Variants in PTPRN2 observed in about 807,000 individuals in gnomAD.
PTPRN2 encodes protein tyrosine phosphatase receptor type N2, also known as receptor-type tyrosine-protein phosphatase N2.
PTPRN2 carries 74 observed loss-of-function variants against 118.8 expected under a neutral mutation model. The ratio of observed to expected loss-of-function variants is 0.62; its 90% CI spans 0.52 to 0.76. PTPRN2 has a LOEUF of 0.76. Ranked by LOEUF, PTPRN2 falls within the 30% of genes least tolerant of loss-of-function variation. PTPRN2 has a pLI of 0.00. For missense variants in PTPRN2, 1,481 were observed against 1,394.4 expected (o/e 1.06, Z -0.99); for synonymous variants, 641 against 608.0 (o/e 1.05, Z -0.80).
chr7:158,418,854 A>G (rs1161918465), intron 2 of PTPRN2, among the ~76,000 whole-genome samples: 3 of 151,492 alleles, frequency 2.0e-5, no homozygotes, highest in Admixed American at 6.6e-5. Context: ...GTACTACATC[A>G]AGATGCTGTA....
At chr7:158,245,484 G>T (rs1169313880) in intron 3 of PTPRN2, among the ~76,000 whole-genome samples, 2 of 152,136 alleles carry the variant, frequency 1.3e-5, no homozygotes, top group Non-Finnish European at 2.9e-5. Flanking sequence ...ACTTCTCATA[G>T]AGCGCATGGG....
rs113893850 is a variant in PTPRN2 at position 158,122,844 on chromosome 7, A to G, written c.1556+10833T>C. Among the ~76,000 whole-genome samples, 941 of 152,330 alleles carry G rather than the reference A, an allele frequency of 6.2e-3. 13 individuals are homozygous for G. Among genetic ancestry groups the G allele is most frequent in the African/African-American group, 0.022 (898 of 41,568 alleles). On this transcript the variant is annotated intron_variant, in intron 9 of 22. Transcript: ENST00000389418. ...TGAGCCCGGGGACCTGTTGCGACCT[A>G]CACTTGTTCTTAACAAAACCGAAGG...
At chr7:158,190,803 CTGTT>C (rs1825700453) in intron 5 of PTPRN2, among the ~76,000 whole-genome samples, 1 of 152,266 alleles carries the variant, frequency 6.6e-6, no homozygotes, top group Non-Finnish European at 1.5e-5. Flanking sequence ...CATCAGGGCT[CTGTT>C]TGGCGGCCGT....
At chr7:158,102,677 G>A (rs1037648072) in intron 10 of PTPRN2, among the ~76,000 whole-genome samples, 4 of 152,268 alleles carry the variant, frequency 2.6e-5, no homozygotes, top group Middle Eastern at 3.4e-3. Context: ...GCAGCTTTGC[G>A]GGTGTTGGAG....
Position 157,974,169 on chromosome 7 carries a change from C to T in PTPRN2, c.1724-75432G>A, listed in dbSNP as rs754085053. ...ATGAGCGCCGGCCCTGCGGATCCGG[C>T]GATGATCATTGTGGAAAGAATGGAC... On this transcript the variant is annotated intron_variant, in intron 11 of 22. Coordinates refer to ENST00000389418, the MANE Select transcript of PTPRN2 (RefSeq NM_002847.5). This position sits in a 1 kb window ranked among gnomAD's most constrained non-coding sequence, Gnocchi z 4.0. Among the ~76,000 whole-genome samples the T allele has an allele frequency of 1.3e-5, 2 of 152,108 alleles. No homozygotes were observed. Among genetic ancestry groups the T allele is most frequent in the Admixed American group, 6.5e-5 (1 of 15,290 alleles).
intron 2 of PTPRN2, among the ~76,000 whole-genome samples, chr7:158,404,732 CCCAGCTCTCCGGCTT>C (rs1813231515): frequency 7.0e-6 from 1 of 143,510 alleles, no homozygotes; most frequent in African/African-American, 2.6e-5. Flanking sequence ...CTCTCCGGCC[CCCAGCTCTCCGGCTT>C]CCAGCTCCCC....
At chr7:157,910,789 T>G (rs1464859349) in intron 11 of PTPRN2, among the ~76,000 whole-genome samples, 2 of 152,230 alleles carry the variant, frequency 1.3e-5, no homozygotes, top group African/African-American at 4.8e-5. Flanking sequence ...CGTGTTGTGA[T>G]CCACTGCGCG....
chr7:157,639,191 C>T (rs1257309294), intron 14 of PTPRN2, among the ~76,000 whole-genome samples: 2 of 152,048 alleles, frequency 1.3e-5, no homozygotes, highest in Non-Finnish European at 2.9e-5. Flanking sequence ...CATGCGCCAC[C>T]AAATCTAGCT....
chr7:158,052,111 G>A lies in PTPRN2; in HGVS notation c.1723+29187C>T, dbSNP rs561031812. Among the ~76,000 whole-genome samples, 83 of 152,312 alleles carry A rather than the reference G, an allele frequency of 5.4e-4. 1 individual carries two copies. Among genetic ancestry groups the A allele is most frequent in the African/African-American group, 1.9e-3 (79 of 41,558 alleles). On this transcript the variant is annotated intron_variant, in intron 11 of 22. Coordinates refer to ENST00000389418, the MANE Select transcript of PTPRN2 (RefSeq NM_002847.5). ...GCCTCTGATCCAGAAAAGTCCCTGT[G>A]CACTAAAGTCAAGACTGTTTCAAAG...
At chr7:157,608,104 G>A (rs765413890) in intron 15 of PTPRN2, among the ~76,000 whole-genome samples, 3 of 152,068 alleles carry the variant, frequency 2.0e-5, no homozygotes, top group African/African-American at 4.8e-5. Flanking sequence ...GTCTTGCTCC[G>A]TCACCCAAGC....
At chr7:158,454,935 C>T (rs1195055537) in intron 2 of PTPRN2, among the ~76,000 whole-genome samples, 1 of 152,170 alleles carries the variant, frequency 6.6e-6, no homozygotes, top group Non-Finnish European at 1.5e-5. Flanking sequence ...GGGGGCCCCT[C>T]GAAATGTGTT....
Position 158,529,016 on chromosome 7 carries a change from G to A in PTPRN2, c.113-39231C>T, listed in dbSNP as rs542091339. Among the ~76,000 whole-genome samples, 3 of 152,110 alleles carry A rather than the reference G, an allele frequency of 2.0e-5. No individual in the cohort carries two copies. The highest frequency in any genetic ancestry group is 6.5e-5 in the Admixed American group (1 of 15,294). On this transcript the variant is annotated intron_variant, in intron 1 of 22. Coordinates refer to ENST00000389418, the MANE Select transcript of PTPRN2 (RefSeq NM_002847.5). The surrounding 1 kb of genome is among the most constrained non-coding windows in gnomAD (Gnocchi z 4.7). ...GCTCACGAAAGTCAGCCTGGCCTTCGAGCCCACCAAGGGGCTTTGGGATCA... is the reference window on the plus strand; with the variant it reads ...GCTCACGAAAGTCAGCCTGGCCTTCAAGCCCACCAAGGGGCTTTGGGATCA...
At chr7:158,532,236 C>T (rs111628428) in intron 1 of PTPRN2, among the ~76,000 whole-genome samples, 1,976 of 152,284 alleles carry the variant, frequency 0.013, 40 homozygotes, top group African/African-American at 0.044. Flanking sequence ...ATCCTCAGCT[C>T]GTCGGGCACG....
chr7:158,224,736 T>C (rs1014786344), intron 3 of PTPRN2, among the ~76,000 whole-genome samples: 3 of 152,174 alleles, frequency 2.0e-5, no homozygotes, highest in African/African-American at 7.2e-5. Flanking sequence ...TTGGCCTTCA[T>C]CAAAATTAAA....
At chr7:158,113,035 C>G (rs773474835) in intron 9 of PTPRN2, among the ~76,000 whole-genome samples, 4 of 151,196 alleles carry the variant, frequency 2.6e-5, no homozygotes, top group Non-Finnish European at 4.4e-5. Context: ...GCATTTAGGG[C>G]CCCCCAGCAT....
chr7:157,981,690 C>T (rs1045227744), intron 11 of PTPRN2, among the ~76,000 whole-genome samples: 1 of 152,216 alleles, frequency 6.6e-6, no homozygotes, highest in South Asian at 2.1e-4. Context: ...TAACCTACAT[C>T]TATTTCATAA....
chr7:157,908,017 C>T (rs1458887920), intron 11 of PTPRN2, among the ~76,000 whole-genome samples: 2 of 152,248 alleles, frequency 1.3e-5, no homozygotes, highest in Non-Finnish European at 2.9e-5. Flanking sequence ...CTCAGGCCCA[C>T]AGCCGCAGAG....
intron 2 of PTPRN2, among the ~76,000 whole-genome samples, chr7:158,450,219 C>T (rs1020398789): frequency 6.6e-6 from 1 of 152,248 alleles, no homozygotes; most frequent in African/African-American, 2.4e-5. Flanking sequence ...CCCACCCTCA[C>T]GGGTGATCTA....
chr7:158,575,199 G>A (rs1033958157), intron 1 of PTPRN2, among the ~76,000 whole-genome samples: 4 of 152,146 alleles, frequency 2.6e-5, no homozygotes, highest in Non-Finnish European at 4.4e-5. Context: ...GTTATCTTAT[G>A]TGAAATCACC....
Sources: gnomAD v4.1 joint callset for allele counts (sites outside exome capture counted in the v4.1 genomes callset) on GRCh38, gnomAD v4.1.1 for gene constraint, Gnocchi (gnomAD v3.1) non-coding constraint, MANE v1.5 for transcripts, NCBI Gene and HGNC (gene_info 2026-07-23, HGNC 2026-07-21) for gene names.